GAS2: variants seen among roughly 807,000 people sequenced by gnomAD.
The protein encoded by GAS2 is growth arrest-specific protein 2.
A neutral mutation model predicts 37.5 loss-of-function variants in GAS2; 20 were observed. That is an observed-to-expected ratio of 0.53 (90% CI 0.37 to 0.77). GAS2 has a LOEUF of 0.77. Ranked by LOEUF, GAS2 falls within the 30% of genes least tolerant of loss-of-function variation. The probability of loss-of-function intolerance (pLI) is 0.00; values close to 1 mark genes in which losing one functional copy is unlikely to be tolerated. For missense variants in GAS2, 336 were observed against 373.4 expected, an observed-to-expected ratio of 0.90 and a Z score of 0.82; for synonymous variants, 144 against 132.2, an observed-to-expected ratio of 1.09 and a Z score of -0.61.
chr11:22,745,737 C>T (rs1258353353), intron 5 of GAS2, among the ~76,000 whole-genome samples: 1 of 152,052 alleles, frequency 6.6e-6, no homozygotes, highest in African/African-American at 2.4e-5. Flanking sequence ...GAAACTTAAA[C>T]AATTCAATAA....
chr11:22,752,071 C>T (rs1853769326), intron 6 of GAS2, among the ~76,000 whole-genome samples: 1 of 151,998 alleles, frequency 6.6e-6, no homozygotes, highest in African/African-American at 2.4e-5. Flanking sequence ...TTATGTTTCA[C>T]AAGTCTTTAA....
At chr11:22,741,104 C>T (rs1280107745) in intron 5 of GAS2, among the ~76,000 whole-genome samples, 1 of 152,146 alleles carries the variant, frequency 6.6e-6, no homozygotes, top group African/African-American at 2.4e-5. Context: ...CCATGTTTTC[C>T]TCTCGGGACA....
At chr11:22,690,439 TTTG>T (rs1184281985) in intron 3 of GAS2, among the ~76,000 whole-genome samples, 2 of 152,156 alleles carry the variant, frequency 1.3e-5, no homozygotes, top group Non-Finnish European at 2.9e-5. Flanking sequence ...AACCTTAGCC[TTTG>T]TGTAGTGGGC....
chr11:22,665,514 G>A (rs1409925440), upstream of GAS2, among the ~76,000 whole-genome samples: 1 of 152,020 alleles, frequency 6.6e-6, no homozygotes, highest in African/African-American at 2.4e-5. Flanking sequence ...CTGTTATGTT[G>A]ACCTTTTAAA....
intron 1 of GAS2, among the ~76,000 whole-genome samples, chr11:22,654,924 A>C (rs1428953486): frequency 6.6e-6 from 1 of 152,166 alleles, no homozygotes; most frequent in Non-Finnish European, 1.5e-5. Flanking sequence ...TTCATCAAAG[A>C]AAAAAATATG....
intron 3 of GAS2, among the ~76,000 whole-genome samples, chr11:22,715,098 C>G (rs1851599107): frequency 6.6e-6 from 1 of 151,892 alleles, no homozygotes; most frequent in African/African-American, 2.4e-5. Flanking sequence ...AAAGGATAAA[C>G]AAAATTGATA....
chr11:22,710,858 GTCCA>G (rs1851371286), intron 3 of GAS2, among the ~76,000 whole-genome samples: 1 of 151,948 alleles, frequency 6.6e-6, no homozygotes, highest in South Asian at 2.1e-4. Flanking sequence ...TTTTCCTTTA[GTCCA>G]TCCTTGACAG....
intron 7 of GAS2, among the ~76,000 whole-genome samples, chr11:22,787,109 A>C (rs1366429692): frequency 6.6e-6 from 1 of 152,134 alleles, no homozygotes; most frequent in Non-Finnish European, 1.5e-5. Flanking sequence ...TACATTTTTG[A>C]GCATTTGTCT....
intron 3 of GAS2, among the ~76,000 whole-genome samples, chr11:22,692,395 C>G (rs1211163922): frequency 1.3e-5 from 2 of 152,048 alleles, no homozygotes; most frequent in Non-Finnish European, 2.9e-5. Context: ...TGACATGTGC[C>G]CAAGGTGGTA....
chr11:22,697,638 TCTC>T (rs1403077485), intron 3 of GAS2, among the ~76,000 whole-genome samples: 1 of 152,132 alleles, frequency 6.6e-6, no homozygotes, highest in African/African-American at 2.4e-5. Flanking sequence ...GGTTTGTAGT[TCTC>T]CTTGAAGAGG....
chr11:22,742,374 T>A (rs1406108153), intron 5 of GAS2, among the ~76,000 whole-genome samples: 13 of 151,932 alleles, frequency 8.6e-5, no homozygotes, highest in Admixed American at 2.0e-4. Flanking sequence ...TGGTATAGAG[T>A]TCATGGAAAC....
At chr11:22,650,874 T>C (rs930737245) in intron 1 of GAS2, among the ~76,000 whole-genome samples, 47 of 151,414 alleles carry the variant, frequency 3.1e-4, no homozygotes, top group African/African-American at 1.1e-3. Context: ...CTTTATCCAA[T>C]TTGCCAGTCT....
At chr11:22,653,434 G>T (rs985983915) in intron 1 of GAS2, among the ~76,000 whole-genome samples, 1 of 152,098 alleles carries the variant, frequency 6.6e-6, no homozygotes, top group Non-Finnish European at 1.5e-5. Context: ...GTTAACATTA[G>T]CAAGTATCAA....
chr11:22,772,489 A>G (rs1855032458), intron 7 of GAS2, among the ~76,000 whole-genome samples: 4 of 152,106 alleles, frequency 2.6e-5, no homozygotes, highest in Admixed American at 2.0e-4. Flanking sequence ...ATTGGACTAG[A>G]GAGATGGTGT....
intron 5 of GAS2, among the ~76,000 whole-genome samples, chr11:22,740,276 A>G (rs1384883196): frequency 2.0e-5 from 3 of 152,186 alleles, no homozygotes; most frequent in East Asian, 3.8e-4. Flanking sequence ...ATTTCTGACC[A>G]TGATTCATTT....
rs534952195 is a variant in GAS2 at position 22,705,500 on chromosome 11, T to G, written c.267+19711T>G. ...CAAGATCTGATAAATAAAAGAAGACTAAAGCATTATTGGGTCCTCCCCAAG... is the reference window on the plus strand; with the variant it reads ...CAAGATCTGATAAATAAAAGAAGACGAAAGCATTATTGGGTCCTCCCCAAG... On this transcript the variant is annotated intron_variant, in intron 3 of 7. Coordinates refer to ENST00000454584, the MANE Select transcript of GAS2 (RefSeq NM_001143830.3). Among the ~76,000 whole-genome samples the G allele has an allele frequency of 7.2e-5, 11 of 152,310 alleles. No homozygotes were observed. The South Asian group carries it at 2.3e-3, about 32-fold the overall frequency.
intron 1 of GAS2, among the ~76,000 whole-genome samples, chr11:22,638,494 T>C (rs2133814431): frequency 6.6e-6 from 1 of 151,970 alleles, no homozygotes; most frequent in East Asian, 1.9e-4. Context: ...TACAGGCACT[T>C]GGCACCACAC....
intron 1 of GAS2, among the ~76,000 whole-genome samples, chr11:22,648,382 G>A (rs1038823858): frequency 5.2e-4 from 79 of 152,230 alleles, no homozygotes; most frequent in Non-Finnish European, 8.4e-4. Context: ...TGTTATTTTG[G>A]CTTAGGATTG....
At chr11:22,764,472 A>T (rs1854568802) in intron 7 of GAS2, among the ~76,000 whole-genome samples, 1 of 149,574 alleles carries the variant, frequency 6.7e-6, no homozygotes, top group Non-Finnish European at 1.5e-5. Flanking sequence ...AGTCAGGAGA[A>T]TGGCGTGAGC....
Sources: allele counts gnomAD v4.1 joint callset (sites outside exome capture counted in the v4.1 genomes callset), GRCh38; gene constraint gnomAD v4.1.1; transcripts MANE v1.5; gene names NCBI Gene and HGNC (gene_info 2026-07-23, HGNC 2026-07-21).